ARRB2: variants seen among roughly 807,000 people sequenced by gnomAD.
ARRB2 encodes arrestin beta 2, also known as beta-arrestin-2.
In ARRB2, 21 loss-of-function variants were observed where a neutral mutation model predicts 53.4. That is an observed-to-expected ratio of 0.39 (90% CI 0.28 to 0.57). ARRB2 has a LOEUF of 0.57. Among genes scored for constraint, ARRB2 ranks in the 20% least tolerant of loss-of-function variants. The pLI is 0.55. For synonymous variants in ARRB2, 180 were observed against 212.9 expected, an observed-to-expected ratio of 0.85 and a Z score of 1.34; for missense variants, 369 against 527.5, an observed-to-expected ratio of 0.70 and a Z score of 2.94.
rs1326101678 is a variant in ARRB2, at chr17:4,718,011, C to T, written c.609C>T (p.Ser203=). 6.2e-7 allele frequency: 1 copy of T among 1,613,444 alleles called. No homozygotes were observed. Among genetic ancestry groups the T allele is most frequent in the Non-Finnish European group, 8.5e-7 (1 of 1,180,022 alleles). The stretch of plus-strand genomic sequence containing the variant: ...ACCGGTCCCTGCACCTCGAGGCTTC[C>T]CTGGACAAGGAGGTGGGGCGTGAGA... ...MSDRSLHLEA[S]LDKELYYHGE... The change falls in exon 8 of 15, where the codon TCC becomes TCT. Residue 203 remains serine (S), a synonymous_variant. Coordinates refer to ENST00000269260, the MANE Select transcript of ARRB2 (RefSeq NM_004313.4).
chr17:4,720,372 G>C, intron 12 of ARRB2, 21 bp from the exon 13 acceptor site: 1 of 1,613,710 alleles, frequency 6.2e-7, no homozygotes. Context: ...TCCTCTTCAC[G>C]ATGCCTCTCC....
At chr17:4,715,857 A>G in intron 2 of ARRB2, 116 bp from the exon 3 acceptor site, 7 of 1,205,598 alleles carry the variant, frequency 5.8e-6, no homozygotes, top group Admixed American at 1.9e-5. Flanking sequence ...AACCTGGAAC[A>G]ACTCCTTCCT....
intron 5 of ARRB2, chr17:4,716,837 CTT>C (rs1432542826): frequency 1.3e-6 from 1 of 785,416 alleles, no homozygotes; most frequent in African/African-American, 1.7e-5. Flanking sequence ...TCTCCAGCCT[CTT>C]TTTTGTTGTT....
In ARRB2 at chr17:4,717,260, C is replaced by T; in HGVS notation, c.401C>T (p.Pro134Leu). 1 of 1,614,144 alleles carries T rather than the reference C, an allele frequency of 6.2e-7. No homozygotes were observed. Among genetic ancestry groups the T allele is most frequent in the Non-Finnish European group, 8.5e-7 (1 of 1,180,010 alleles). Reference sequence around the variant, plus strand: ...TGCTCCGTCACACTGCAGCCAGGCCCAGAGGATACAGGAAAGGTACGGGAG... The same window carrying T: ...TGCTCCGTCACACTGCAGCCAGGCCTAGAGGATACAGGAAAGGTACGGGAG... ...LPCSVTLQPG[P>L]EDTGKACGVD... Residue 134 changes from proline (P) to leucine (L), a missense_variant, in exon 6 of 15, where the codon CCA becomes CTA. By Grantham distance (98) the Pro-to-Leu change is moderately conservative. Coordinates refer to ENST00000269260, the MANE Select transcript of ARRB2 (RefSeq NM_004313.4). The surrounding 1 kb of genome is among the most constrained non-coding windows in gnomAD (Gnocchi z 6.0).
At chr17:4,719,130 T>A (rs1327257769) in intron 10 of ARRB2, among the ~76,000 whole-genome samples, 153 bp from the exon 11 acceptor site, 2 of 152,190 alleles carry the variant, frequency 1.3e-5, no homozygotes, top group Non-Finnish European at 2.9e-5. Flanking sequence ...CTGTTAATTT[T>A]CTTGAGCACG....
At chr17:4,715,451 A>T in intron 2 of ARRB2, 1 of 279,102 alleles carries the variant, frequency 3.6e-6, no homozygotes, top group Non-Finnish European at 6.9e-6. Context: ...GGTTGGGCTG[A>T]GTTCTCCCCG....
Position 4,719,459 on chromosome 17 carries a change from G to A in ARRB2, c.917+39G>A, listed in dbSNP as rs1915466795. ...TGGGGCGGGTCCCCTGCAGGCCAGG[G>A]GCCAGACGTCGGTTCAGTGCTCTAT... On this transcript the variant is annotated intron_variant, in intron 11 of 14. Transcript: ENST00000269260. The A allele has an allele frequency of 1.9e-6, 3 of 1,607,452 alleles. 1 individual carries two copies. The highest frequency in any genetic ancestry group is 4.5e-5 in the East Asian group (2 of 44,860).
rs35195499 is a variant in ARRB2 at position 4,715,428 on chromosome 17, T to TC, written c.54+386dup. 365 of 293,108 alleles carry TC rather than the reference T, an allele frequency of 1.2e-3. 2 individuals are homozygous for TC. The highest frequency in any genetic ancestry group is 7.6e-3 in the African/African-American group (351 of 45,996). The allele number at this position is 293,108 out of a possible 1,614,324, so 18.2% of individuals were successfully genotyped here. A position where few individuals can be genotyped will look rare whatever the true frequency, so the allele number is the denominator to read the frequency against. Reference sequence around the variant, plus strand: ...GGGACCTAGTGAGGGTGGCAGCTGCTCTCTAGCTGGCTGGTTGGGCTGAGT... The same window carrying TC: ...GGGACCTAGTGAGGGTGGCAGCTGCTCCTCTAGCTGGCTGGTTGGGCTGAGT... On this transcript the variant is annotated intron_variant, in intron 2 of 14. Transcript: ENST00000269260.
At position 4,720,987 on chromosome 17, in the gene ARRB2, G is replaced by C; in HGVS notation, c.1178G>C (p.Arg393Pro). ...GACATTGTGTTTGAGGACTTTGCCC[G>C]GCTTCGGCTGAAGGGGATGAAGGAT... The part of the protein sequence containing the change: ...DDDIVFEDFA[R>P]LRLKGMKDDD... The change falls in exon 15 of 15, where the codon CGG (arginine) becomes CCG (proline). Residue 393 changes from arginine to proline, a missense_variant. Arg to Pro is a moderately radical substitution (Grantham distance 103, BLOSUM62 -2). Coordinates refer to ENST00000269260, the MANE Select transcript of ARRB2 (RefSeq NM_004313.4). The C allele has an allele frequency of 1.2e-6, 2 of 1,614,082 alleles. No homozygotes were observed. Among genetic ancestry groups the C allele is most frequent in the Non-Finnish European group, 1.7e-6 (2 of 1,180,008 alleles).
chr17:4,718,454 G>A, intron 9 of ARRB2, 109 bp downstream of exon 9: 2 of 1,350,892 alleles, frequency 1.5e-6, no homozygotes, highest in Non-Finnish European at 2.1e-6. Context: ...ACCCACCAGG[G>A]CTCAAAGAAT....
In ARRB2 at chr17:4,716,469, G is replaced by T. The variant is rs1343690387; in HGVS notation, c.218G>T (p.Gly73Val). The change falls in exon 5 of 15, where the codon GGC becomes GTC. Residue 73 changes from glycine to valine, a missense_variant. Gly to Val is a moderately radical substitution (Grantham distance 109). Transcript: ENST00000269260. ...RYGREDLDVLGLSFRKDLFIA... is the reference protein window; with the variant it reads ...RYGREDLDVLVLSFRKDLFIA... ...GGCCGTGAAGACCTGGATGTGCTGG[G>T]CTTGTCCTTCCGCAAAGACCTGTTC... 1 of 1,614,042 alleles carries T rather than the reference G, an allele frequency of 6.2e-7. No individual in the cohort carries two copies. Among genetic ancestry groups the T allele is most frequent in the Non-Finnish European group, 8.5e-7 (1 of 1,180,022 alleles).
At position 4,715,914 on chromosome 17, in the gene ARRB2, G is replaced by A. The variant is rs931414895; in HGVS notation, c.55-59G>A. 35 of 1,602,428 alleles carry A rather than the reference G, an allele frequency of 2.2e-5. No individual in the cohort carries two copies. The East Asian group carries it at 7.4e-4, about 34-fold the overall frequency. On this transcript the variant is annotated intron_variant, in intron 2 of 14. Transcript: ENST00000269260. ...CCGGGCAGGGCAGCCAGTTTTGAGG[G>A]CTCCGATGCCCTGTCACCATCCTCC... is the stretch of plus-strand genomic sequence containing the variant.
intron 10 of ARRB2, 127 bp from the exon 11 acceptor site, chr17:4,719,156 C>A: frequency 8.6e-7 from 1 of 1,163,458 alleles, no homozygotes; most frequent in Non-Finnish European, 1.2e-6. Context: ...CCAAAACCTA[C>A]TCCCTTGTGA....
At chr17:4,711,301 T>C (rs556241237) in intron 1 of ARRB2, among the ~76,000 whole-genome samples, 1 of 151,800 alleles carries the variant, frequency 6.6e-6, no homozygotes, top group Non-Finnish European at 1.5e-5. Flanking sequence ...TGAAACTAGA[T>C]CGTATCCCTC....
At chr17:4,720,141 C>T in intron 11 of ARRB2, 75 bp from the exon 12 acceptor site, 1 of 1,472,526 alleles carries the variant, frequency 6.8e-7, no homozygotes, top group Non-Finnish European at 9.3e-7. Context: ...TGCCCAGAGT[C>T]CCCGTGGGAA....
chr17:4,716,713 C>A, intron 5 of ARRB2, 105 bp downstream of exon 5: 1 of 1,470,138 alleles, frequency 6.8e-7, no homozygotes, highest in Non-Finnish European at 9.0e-7. Context: ...AACAGTGAGG[C>A]AGGGACCCTA....
Position 4,717,490 on chromosome 17 carries a change from G to T in ARRB2, c.418-195G>T. On this transcript the variant is annotated intron_variant, in intron 6 of 14. Transcript: ENST00000269260. The surrounding 1 kb of genome is among the most constrained non-coding windows in gnomAD (Gnocchi z 6.0). Reference sequence around the variant, plus strand: ...GGACCCGCATGGATCTGGGGATGGGGGCTCCCCTTGCACTACCATGACCAA... The same window carrying T: ...GGACCCGCATGGATCTGGGGATGGGTGCTCCCCTTGCACTACCATGACCAA... 1.1e-6 allele frequency: 1 copy of T among 881,066 alleles called. No individual in the cohort carries two copies. Among genetic ancestry groups the T allele is most frequent in the South Asian group, 1.6e-5 (1 of 63,824 alleles). The allele number at this position is 881,066 out of a possible 1,614,324, so 54.6% of individuals were successfully genotyped here.
intron 8 of ARRB2, 47 bp downstream of exon 8, chr17:4,718,070 C>G: frequency 6.2e-7 from 1 of 1,609,294 alleles, no homozygotes; most frequent in Non-Finnish European, 8.5e-7. Context: ...AGTTTAGACC[C>G]TGGGGGAGGG....
Position 4,721,086 on chromosome 17 carries a change from G to A in ARRB2, c.*47G>A, listed in dbSNP as rs930556535. On this transcript the variant is annotated 3_prime_UTR_variant, in exon 15 of 15. Transcript: ENST00000269260. This position sits in a 1 kb window ranked among gnomAD's most constrained non-coding sequence, Gnocchi z 4.2. ...AGGGGATGGGGTTGGGAGAGGTGAG[G>A]GCAGGATTAAGATCCCCACTGTCAA... 23 of 1,574,946 alleles carry A rather than the reference G, an allele frequency of 1.5e-5. No homozygotes were observed. The highest frequency in any genetic ancestry group is 3.3e-4 in the Middle Eastern group (2 of 6,016).
Sources: gnomAD v4.1 joint callset for allele counts (sites outside exome capture counted in the v4.1 genomes callset) on GRCh38, gnomAD v4.1.1 for gene constraint, Gnocchi (gnomAD v3.1) non-coding constraint, MANE v1.5 for transcripts, NCBI Gene and HGNC (gene_info 2026-07-23, HGNC 2026-07-21) for gene names.